Variants in R3HDM2 observed in about 807,000 individuals in gnomAD.
The protein encoded by R3HDM2 is R3H domain-containing protein 2.
In R3HDM2, 38 loss-of-function variants were observed where a neutral mutation model predicts 124.5. The observed-to-expected ratio is 0.31, with a 90% CI of 0.24 to 0.40. The LOEUF (loss-of-function observed/expected upper bound fraction) is 0.40. R3HDM2 is among the 10% of genes least tolerant of loss of function. R3HDM2 has a pLI of 1.00. For synonymous variants in R3HDM2, 391 were observed against 448.0 expected, an observed-to-expected ratio of 0.87 and a Z score of 1.61; for missense variants, 869 against 1,236.9, an observed-to-expected ratio of 0.70 and a Z score of 4.46.
At chr12:57,410,646 A>G (rs2068926209) in intron 1 of R3HDM2, among the ~76,000 whole-genome samples, 1 of 152,134 alleles carries the variant, frequency 6.6e-6, no homozygotes, top group Admixed American at 6.6e-5. Flanking sequence ...TGAGGCCAGG[A>G]GTTTGAGACC....
chr12:57,386,050 A>G (rs2065692168), intron 2 of R3HDM2, among the ~76,000 whole-genome samples: 1 of 152,106 alleles, frequency 6.6e-6, no homozygotes. Flanking sequence ...AAAAAATGCC[A>G]CATTTCTCAC....
intron 1 of R3HDM2, among the ~76,000 whole-genome samples, chr12:57,402,642 G>A (rs941574387): frequency 7.2e-5 from 11 of 151,922 alleles, no homozygotes; most frequent in African/African-American, 2.2e-4. Flanking sequence ...GGTGGCAGGC[G>A]CTTGTAAATC....
chr12:57,330,621 A>G (rs1311690979), intron 2 of R3HDM2, among the ~76,000 whole-genome samples: 2 of 151,496 alleles, frequency 1.3e-5, no homozygotes, highest in Non-Finnish European at 2.9e-5. Flanking sequence ...CTGGGATTAC[A>G]AGTGTGAGCC....
chr12:57,427,692 A>G (rs1426085046), intron 1 of R3HDM2, among the ~76,000 whole-genome samples: 1 of 151,778 alleles, frequency 6.6e-6, no homozygotes, highest in Non-Finnish European at 1.5e-5. Flanking sequence ...ATAATACGTT[A>G]TAGGTTGATA....
rs773928496 is a variant in R3HDM2, at chr12:57,268,445, T to A, written c.1888A>T (p.Ser630Cys). The A allele has an allele frequency of 6.2e-7, 1 of 1,613,982 alleles. No homozygotes were observed. The change falls in exon 18 of 24, where the codon AGT (serine) becomes TGT (cysteine). Residue 630 changes from serine (S) to cysteine (C), a missense_variant. Around this residue, in one of 2 missense-constraint regions of R3HDM2, gnomAD observed 602 missense variants for 789.2 expected, o/e 0.76. Coordinates refer to ENST00000402412, the MANE Select transcript of R3HDM2 (RefSeq NM_001394031.1). The part of the protein sequence containing the change: ...PLPSYQVPVG[S>C]DSQNVVQPPF... Reference sequence around the variant, plus strand: ...GGCTGGACCACATTTTGCGAGTCACTACCCACTGGAACCTGGGTGAGAAAG... The same window carrying A: ...GGCTGGACCACATTTTGCGAGTCACAACCCACTGGAACCTGGGTGAGAAAG...
chr12:57,306,715 T>C (rs982739549), intron 3 of R3HDM2, among the ~76,000 whole-genome samples: 7 of 151,974 alleles, frequency 4.6e-5, no homozygotes, highest in Non-Finnish European at 8.8e-5. Context: ...GCCTCCAAGT[T>C]GGCTAAAGGA....
At position 57,422,337 on chromosome 12, in the gene R3HDM2, T is replaced by C. The variant is rs117988193; in HGVS notation, c.-106+8383A>G. 7.2e-5 allele frequency among the ~76,000 whole-genome samples: 11 copies of C among 152,300 alleles called. No homozygotes were observed. In the East Asian group the frequency reaches 2.1e-3, roughly 29 times the overall value. On this transcript the variant is annotated intron_variant, in intron 1 of 23. Transcript: ENST00000402412. ...ACTTTTTAGCCTATCAAATAAGGAC[T>C]TCAATATCAGGCACCTAGGTACCTC...
At chr12:57,428,620 G>A (rs896029938) in intron 1 of R3HDM2, among the ~76,000 whole-genome samples, 11 of 151,628 alleles carry the variant, frequency 7.3e-5, no homozygotes, top group African/African-American at 2.7e-4. Context: ...GCACCACTGC[G>A]CTCCACCCTG....
chr12:57,401,220 A>C (rs2068013542), intron 1 of R3HDM2, among the ~76,000 whole-genome samples: 1 of 151,814 alleles, frequency 6.6e-6, no homozygotes, highest in Non-Finnish European at 1.5e-5. Context: ...CCACCCCTTG[A>C]ATATGAGCTG....
chr12:57,346,508 A>AT (rs969143836), intron 2 of R3HDM2, among the ~76,000 whole-genome samples: 87 of 152,074 alleles, frequency 5.7e-4, no homozygotes, highest in African/African-American at 1.9e-3. Context: ...GTGGGACAAC[A>AT]TTTTTTTTAA....
intron 12 of R3HDM2, among the ~76,000 whole-genome samples, chr12:57,285,605 C>T (rs889730456): frequency 1.1e-4 from 16 of 152,134 alleles, no homozygotes. Flanking sequence ...AGGTACTCTC[C>T]AGGAACAGAA....
At chr12:57,321,743 C>T (rs766331744) in intron 2 of R3HDM2, among the ~76,000 whole-genome samples, 1 of 152,100 alleles carries the variant, frequency 6.6e-6, no homozygotes, top group Admixed American at 6.6e-5. Flanking sequence ...CCACCCCCTG[C>T]CACCAGAACA....
chr12:57,321,530 T>C (rs1649584055), intron 2 of R3HDM2, among the ~76,000 whole-genome samples: 1 of 152,022 alleles, frequency 6.6e-6, no homozygotes, highest in African/African-American at 2.4e-5. Flanking sequence ...GGCATGCCTG[T>C]AATCCCAGCT....
chr12:57,396,906 A>G (rs527479284), intron 1 of R3HDM2, among the ~76,000 whole-genome samples: 25 of 152,296 alleles, frequency 1.6e-4, no homozygotes, highest in African/African-American at 5.8e-4. Flanking sequence ...AGCCTGGCCA[A>G]TATGGTGAAA....
Position 57,296,994 on chromosome 12 carries a change from C to T in R3HDM2, c.560+334G>A. 4.3e-6 allele frequency: 1 copy of T among 232,266 alleles called. No individual in the cohort carries two copies. 14.4% of individuals were successfully genotyped at this position (232,266 alleles called of 1,614,324 possible). On this transcript the variant is annotated intron_variant, in intron 8 of 23. Transcript: ENST00000402412. The surrounding 1 kb of genome is among the most constrained non-coding windows in gnomAD (Gnocchi z 4.5). ...CACTTGAACCCAGGAGGCAGAATTG[C>T]AGTGAGTCAAGACTGTACCACGGCG...
rs536981346 is a variant in R3HDM2, at chr12:57,265,951, C to T, written c.2131+780G>A. 2.0e-5 allele frequency among the ~76,000 whole-genome samples: 3 copies of T among 152,110 alleles called. No homozygotes were observed. In the East Asian group the frequency reaches 5.8e-4, roughly 29 times the overall value. ...AGCTGGGATTACAGATGCACGCCACCATGCCCAGCTAATTTTTGTATTTTT... is the reference window on the plus strand; with the variant it reads ...AGCTGGGATTACAGATGCACGCCACTATGCCCAGCTAATTTTTGTATTTTT... On this transcript the variant is annotated intron_variant, in intron 19 of 23. Coordinates refer to ENST00000402412, the MANE Select transcript of R3HDM2 (RefSeq NM_001394031.1).
In R3HDM2 at chr12:57,255,464, G is replaced by C. The variant is rs139259981; in HGVS notation, c.2633-351C>G. On this transcript the variant is annotated intron_variant, in intron 23 of 23. Transcript: ENST00000402412. Reference sequence around the variant, plus strand: ...TTTGCTAATGTTCTTTAACAATAATGTATCAATCTGAAATATGTTCCATAG... The same window carrying C: ...TTTGCTAATGTTCTTTAACAATAATCTATCAATCTGAAATATGTTCCATAG... 7.1e-3 allele frequency among the ~76,000 whole-genome samples: 1,081 copies of C among 152,278 alleles called. 9 individuals are homozygous for C. The highest frequency in any genetic ancestry group is 0.013 in the Non-Finnish European group (865 of 68,022).
chr12:57,331,320 A>T (rs1421345491), intron 2 of R3HDM2, among the ~76,000 whole-genome samples: 1 of 152,184 alleles, frequency 6.6e-6, no homozygotes, highest in Non-Finnish European at 1.5e-5. Flanking sequence ...CAAGACCTTA[A>T]ATGACCTGAC....
chr12:57,394,126 T>C (rs2067130405), intron 2 of R3HDM2, among the ~76,000 whole-genome samples: 2 of 151,364 alleles, frequency 1.3e-5, no homozygotes, highest in Admixed American at 1.3e-4. Flanking sequence ...AAAAATCCCA[T>C]CTCTACTAAA....
Sources: allele counts gnomAD v4.1 joint callset (sites outside exome capture counted in the v4.1 genomes callset), GRCh38; gene constraint gnomAD v4.1.1; regional missense constraint gnomAD v4.1.1; non-coding constraint Gnocchi (gnomAD v3.1); transcripts MANE v1.5; gene names NCBI Gene and HGNC (gene_info 2026-07-23, HGNC 2026-07-21).